The following LRRK1 variants were observed in gnomAD, a reference collection of about 807,000 sequenced individuals.
LRRK1 encodes leucine rich repeat kinase 1.
LRRK1 carries 113 observed loss-of-function variants against 209.1 expected under a neutral mutation model. The observed-to-expected ratio is 0.54, with a 90% CI of 0.46 to 0.63. The LOEUF is 0.63. Ranked by LOEUF, LRRK1 falls within the 30% of genes least tolerant of loss-of-function variation. LRRK1 has a pLI of 0.00. For synonymous variants in LRRK1, 1,144 were observed against 1,099.7 expected, an observed-to-expected ratio of 1.04 and a Z score of -0.80; for missense variants, 2,284 against 2,632.2, an observed-to-expected ratio of 0.87 and a Z score of 2.89.
chr15:101,010,245 G>C (rs2033166958), intron 7 of LRRK1, among the ~76,000 whole-genome samples: 1 of 152,138 alleles, frequency 6.6e-6, no homozygotes, highest in South Asian at 2.1e-4. Flanking sequence ...CCACCGATGA[G>C]AGGTTTGTCT....
Position 101,027,035 on chromosome 15 carries a change from G to A in LRRK1, c.2406-226G>A, listed in dbSNP as rs551625321. ...CCTCTGCACCTCACTTTCCTCCTCC[G>A]TGAAGTGCCATGTTTAGTCTGGGAA... On this transcript the variant is annotated intron_variant, in intron 17 of 33. Coordinates refer to ENST00000388948, the MANE Select transcript of LRRK1 (RefSeq NM_024652.6). This position sits in a 1 kb window ranked among gnomAD's most constrained non-coding sequence, Gnocchi z 5.1. 1.2e-4 allele frequency among the ~76,000 whole-genome samples: 18 copies of A among 152,192 alleles called. No individual in the cohort carries two copies. Among genetic ancestry groups the A allele is most frequent in the Admixed American group, 5.9e-4 (9 of 15,294 alleles).
intron 12 of LRRK1, among the ~76,000 whole-genome samples, chr15:101,019,412 C>A (rs1235115737): frequency 1.3e-5 from 2 of 152,132 alleles, no homozygotes; most frequent in South Asian, 4.1e-4. Context: ...CATTTCCTTA[C>A]CTAGCAAGGA....
At chr15:100,990,137 C>T (rs1258111522) in intron 6 of LRRK1, among the ~76,000 whole-genome samples, 1 of 152,022 alleles carries the variant, frequency 6.6e-6, no homozygotes, top group Non-Finnish European at 1.5e-5. Context: ...TTTTAATTTC[C>T]CATTTTAATA....
rs376554922 is a variant in LRRK1, at chr15:101,049,783, G to A, written c.3439G>A (p.Ala1147Thr). The A allele has an allele frequency of 4.9e-5, 79 of 1,611,924 alleles. No individual in the cohort carries two copies. Among genetic ancestry groups the A allele is most frequent in the Middle Eastern group, 1.6e-4 (1 of 6,072 alleles). The part of the protein sequence containing the change: ...VNSLIDQWFP[A>T]LTATESDGTP... ...TTCCTTGATTGATCAGTGGTTTCCC[G>A]GTAAGAGGAGATGCTAGAAGCAAGC... is the stretch of plus-strand genomic sequence containing the variant. The change falls in exon 23 of 34, where the codon GCC becomes ACC. Residue 1147 changes from alanine (A) to threonine (T), a missense_variant and splice_region_variant. By Grantham distance (58) the Ala-to-Thr change is moderately conservative (BLOSUM62 0). Transcript: ENST00000388948.
intron 2 of LRRK1, among the ~76,000 whole-genome samples, chr15:100,936,126 G>A (rs1006890841): frequency 6.6e-6 from 1 of 152,206 alleles, no homozygotes; most frequent in African/African-American, 2.4e-5. Context: ...GGTGAGTGAC[G>A]AGTAAAGGAA....
At chr15:100,955,786 G>A (rs75376296) in intron 2 of LRRK1, among the ~76,000 whole-genome samples, 2,398 of 152,036 alleles carry the variant, frequency 0.016, 32 homozygotes, top group African/African-American at 0.035. Flanking sequence ...GTGGTGTATC[G>A]TGTCTGTTGA....
chr15:101,055,877 T>G (rs2035766431), intron 27 of LRRK1, among the ~76,000 whole-genome samples: 1 of 152,238 alleles, frequency 6.6e-6, no homozygotes, highest in African/African-American at 2.4e-5. Flanking sequence ...TCACCCAGCA[T>G]TAAAATTCCC....
intron 31 of LRRK1, 100 bp downstream of exon 31, chr15:101,062,790 C>G (rs184279688): frequency 1.2e-6 from 1 of 825,940 alleles, no homozygotes; most frequent in African/African-American, 1.7e-5. Flanking sequence ...AGAGCCACAC[C>G]TAGGACCACC....
Position 101,065,516 on chromosome 15 carries a change from G to C in LRRK1, c.5079G>C (p.Val1693=). The change falls in exon 32 of 34, where the codon GTG becomes GTC. Residue 1693 remains valine (V), a synonymous_variant. Transcript: ENST00000388948. ...ACGCACGGCAGAACCCCTACCCAGT[G>C]AAGGCCATGGAGGTGGTCAACAGCG... ...DEDARQNPYP[V]KAMEVVNSGS... is the part of the protein sequence containing the mutation. The C allele has an allele frequency of 6.2e-7, 1 of 1,614,244 alleles. No individual in the cohort carries two copies. The highest frequency in any genetic ancestry group is 8.5e-7 in the Non-Finnish European group (1 of 1,180,044).
At chr15:101,049,937 C>T (rs558241464) in intron 23 of LRRK1, among the ~76,000 whole-genome samples, 154 bp downstream of exon 23, 3 of 152,212 alleles carry the variant, frequency 2.0e-5, no homozygotes, top group Admixed American at 2.0e-4. Flanking sequence ...GAGTCCTGGC[C>T]CCCGAGAAGT....
chr15:100,989,344 G>T lies in LRRK1; in HGVS notation c.708G>T (p.Leu236=). The T allele has an allele frequency of 6.2e-7, 1 of 1,614,226 alleles. No homozygotes were observed. The highest frequency in any genetic ancestry group is 8.5e-7 in the Non-Finnish European group (1 of 1,180,042). The change falls in exon 6 of 34, where the codon CTG becomes CTT. Residue 236 remains leucine (L), a synonymous_variant. Coordinates refer to ENST00000388948, the MANE Select transcript of LRRK1 (RefSeq NM_024652.6). ...LDSPDPSKHL[L]RKYFIEASPL... is the part of the protein sequence containing the mutation. ...GTCCTGACCCCAGCAAACATCTGCTGAGAAAGTACTTCATTGAAGCCAGTC... is the reference window on the plus strand; with the variant it reads ...GTCCTGACCCCAGCAAACATCTGCTTAGAAAGTACTTCATTGAAGCCAGTC...
At chr15:100,931,627 G>A (rs749184151) in intron 2 of LRRK1, among the ~76,000 whole-genome samples, 1 of 152,142 alleles carries the variant, frequency 6.6e-6, no homozygotes, top group African/African-American at 2.4e-5. Context: ...TCAGGGCCTC[G>A]ATCTGCTGGT....
chr15:100,958,025 C>T (rs2042800352), intron 2 of LRRK1, among the ~76,000 whole-genome samples: 1 of 152,054 alleles, frequency 6.6e-6, no homozygotes, highest in South Asian at 2.1e-4. Flanking sequence ...ACCACCACAC[C>T]CAACTAATTT....
At chr15:100,956,455 C>CTTTTTTTTTTCTTTTCTTTTTTT (rs2042762776) in intron 2 of LRRK1, among the ~76,000 whole-genome samples, 1 of 60,534 alleles carries the variant, frequency 1.7e-5, no homozygotes, top group African/African-American at 8.5e-5. Flanking sequence ...TTTTTTTTTT[C>CTTTTTTTTTTCTTTTCTTTTTTT]TTTTTTTTTT....
chr15:101,019,234 C>T (rs747181226), intron 12 of LRRK1, among the ~76,000 whole-genome samples: 4 of 152,026 alleles, frequency 2.6e-5, no homozygotes, highest in Non-Finnish European at 5.9e-5. Context: ...AACACCGTAG[C>T]GAAACTTTAA....
chr15:101,013,574 G>C (rs574893395), intron 10 of LRRK1, among the ~76,000 whole-genome samples: 1 of 152,044 alleles, frequency 6.6e-6, no homozygotes. Flanking sequence ...TGATCACACC[G>C]CTGCACTCCA....
intron 2 of LRRK1, among the ~76,000 whole-genome samples, chr15:100,931,368 A>G (rs1035184214): frequency 1.3e-5 from 2 of 152,192 alleles, no homozygotes; most frequent in African/African-American, 2.4e-5. Context: ...AAAATAACTT[A>G]CGTGACACTT....
chr15:101,027,178 C>G lies in LRRK1; in HGVS notation c.2406-83C>G, dbSNP rs372415754. On this transcript the variant is annotated intron_variant, in intron 17 of 33. Transcript: ENST00000388948. The surrounding 1 kb of genome is among the most constrained non-coding windows in gnomAD (Gnocchi z 5.1). Reference sequence around the variant, plus strand: ...TCTCCAGACTTGCCAGCGTTCAGGACAAACCTCTCAGGGAAACAGAGAAGC... The same window carrying G: ...TCTCCAGACTTGCCAGCGTTCAGGAGAAACCTCTCAGGGAAACAGAGAAGC... The G allele has an allele frequency of 9.6e-6, 15 of 1,564,228 alleles. No individual in the cohort carries two copies. Among genetic ancestry groups the G allele is most frequent in the Middle Eastern group, 1.7e-4 (1 of 5,884 alleles).
chr15:100,995,556 G>C (rs1269018751), intron 6 of LRRK1, among the ~76,000 whole-genome samples: 1 of 152,200 alleles, frequency 6.6e-6, no homozygotes, highest in East Asian at 1.9e-4. Flanking sequence ...AGTTTTGCCT[G>C]AACATCTAAT....
Sources: gnomAD v4.1 joint callset for allele counts (sites outside exome capture counted in the v4.1 genomes callset) on GRCh38, gnomAD v4.1.1 for gene constraint, Gnocchi (gnomAD v3.1) non-coding constraint, MANE v1.5 for transcripts, NCBI Gene and HGNC (gene_info 2026-07-23, HGNC 2026-07-21) for gene names.